The following FGF12 variants were observed in gnomAD, a reference collection of about 807,000 sequenced individuals.
FGF12 encodes the protein fibroblast growth factor 12B.
Under a neutral mutation model 23.6 loss-of-function variants are expected in FGF12, and 14 were observed. That is an observed-to-expected ratio of 0.59 (90% CI 0.39 to 0.93). The LOEUF (loss-of-function observed/expected upper bound fraction) is 0.93, where lower values mean the gene tolerates loss of function less well. FGF12 is among the 40% of genes least tolerant of loss of function. The pLI, the probability that FGF12 is intolerant of heterozygous loss-of-function variation, is 0.00. For synonymous variants in FGF12, 62 were observed against 77.3 expected, an observed-to-expected ratio of 0.80 and a Z score of 1.04; for missense variants, 175 against 217.8, an observed-to-expected ratio of 0.80 and a Z score of 1.24.
At chr3:192,322,648 C>T (rs1716611389) in intron 4 of FGF12, among the ~76,000 whole-genome samples, 2 of 151,992 alleles carry the variant, frequency 1.3e-5, no homozygotes. Context: ...TAAAAACAGA[C>T]ATGCAGACCA....
rs142075981 is a variant in FGF12 at position 192,260,242 on chromosome 3, T to C, written c.228+75119A>G. 2.9e-3 allele frequency among the ~76,000 whole-genome samples: 440 copies of C among 152,302 alleles called. 1 individual carries two copies. The highest frequency in any genetic ancestry group is 0.01 in the African/African-American group (431 of 41,572). On this transcript the variant is annotated intron_variant, in intron 4 of 5. Coordinates refer to ENST00000445105, the MANE Select transcript of FGF12 (RefSeq NM_004113.6). ...TACCAGGGTAGTTTAGGCAAGTGTA[T>C]ATCACAGCCGTATTCATCTATATTT...
intron 2 of FGF12, among the ~76,000 whole-genome samples, chr3:192,388,905 C>T (rs1166810984): frequency 6.6e-6 from 1 of 151,482 alleles, no homozygotes; most frequent in African/African-American, 2.4e-5. Flanking sequence ...TAAAGTGGTG[C>T]CAAAATTTTG....
At chr3:192,283,704 A>G (rs1714285230) in intron 4 of FGF12, among the ~76,000 whole-genome samples, 1 of 151,390 alleles carries the variant, frequency 6.6e-6, no homozygotes, top group Non-Finnish European at 1.5e-5. Context: ...AGGTAATCTC[A>G]TTAGTCAAAA....
At position 192,399,885 on chromosome 3, in the gene FGF12, C is replaced by T. The variant is rs138159481; in HGVS notation, c.14-39347G>A. Among the ~76,000 whole-genome samples the T allele has an allele frequency of 5.1e-3, 782 of 152,282 alleles. 9 individuals carry two copies. Among genetic ancestry groups the T allele is most frequent in the African/African-American group, 0.017 (709 of 41,568 alleles). ...CTCTCTACTGACTCCTGAAAAGTAA[C>T]GAAGAAAAGACTCTATAGAGTACAG... On this transcript the variant is annotated intron_variant, in intron 2 of 5. Coordinates refer to ENST00000445105, the MANE Select transcript of FGF12 (RefSeq NM_004113.6).
intron 2 of FGF12, among the ~76,000 whole-genome samples, chr3:192,467,512 T>C (rs1723046424): frequency 2.6e-5 from 4 of 151,984 alleles, no homozygotes; most frequent in Admixed American, 2.6e-4. Flanking sequence ...TAGAGCACTG[T>C]GCTGAAGAGG....
At chr3:192,690,806 T>C (rs1385872748) in intron 2 of FGF12, among the ~76,000 whole-genome samples, 1 of 151,970 alleles carries the variant, frequency 6.6e-6, no homozygotes, top group Non-Finnish European at 1.5e-5. Context: ...GCTGCTGACA[T>C]GAGACTCATT....
intron 2 of FGF12, among the ~76,000 whole-genome samples, chr3:192,563,676 A>T (rs1454739454): frequency 6.6e-6 from 1 of 152,254 alleles, no homozygotes; most frequent in East Asian, 1.9e-4. Context: ...GAAATTCTAC[A>T]TAATTAATAA....
chr3:192,567,352 A>G (rs79637198), intron 2 of FGF12, among the ~76,000 whole-genome samples: 31 of 151,398 alleles, frequency 2.0e-4, no homozygotes, highest in Admixed American at 2.6e-4. Flanking sequence ...GAAGTTGGAG[A>G]AAAAAAAAGG....
At chr3:192,163,240 AG>A (rs1714976964) in intron 5 of FGF12, among the ~76,000 whole-genome samples, 1 of 152,128 alleles carries the variant, frequency 6.6e-6, no homozygotes, top group Non-Finnish European at 1.5e-5. Flanking sequence ...TTTGACCCAA[AG>A]AATTAGACAC....
intron 4 of FGF12, among the ~76,000 whole-genome samples, chr3:192,276,743 C>A (rs1458047342): frequency 6.6e-6 from 1 of 152,118 alleles, no homozygotes; most frequent in Non-Finnish European, 1.5e-5. Flanking sequence ...AACTTGCCCC[C>A]TCTACCTTTC....
intron 2 of FGF12, among the ~76,000 whole-genome samples, chr3:192,377,961 A>ATAGGTAAACCTTAGATTATTCAT (rs1719596545): frequency 3.3e-5 from 5 of 151,464 alleles, no homozygotes; most frequent in African/African-American, 1.2e-4. Context: ...GTGCAGGAAA[A>ATAGGTAAACCTTAGATTATTCAT]AATGTCTTTT....
At chr3:192,196,076 A>C (rs1225199914) in intron 4 of FGF12, among the ~76,000 whole-genome samples, 2 of 152,062 alleles carry the variant, frequency 1.3e-5, no homozygotes, top group East Asian at 3.9e-4. Context: ...ATGAGTTTAG[A>C]GTTTATAGAT....
At chr3:192,552,283 T>G (rs1458076412) in intron 2 of FGF12, among the ~76,000 whole-genome samples, 2 of 151,532 alleles carry the variant, frequency 1.3e-5, no homozygotes, top group Non-Finnish European at 2.9e-5. Context: ...CCTCAGAAAA[T>G]TCAACTATTT....
chr3:192,220,497 C>T (rs1291675174), intron 4 of FGF12, among the ~76,000 whole-genome samples: 1 of 152,168 alleles, frequency 6.6e-6, no homozygotes, highest in Non-Finnish European at 1.5e-5. Flanking sequence ...GTCCCAAACA[C>T]CATTTCCTTC....
chr3:192,687,259 ACAGT>A (rs1717781851), intron 2 of FGF12, among the ~76,000 whole-genome samples: 1 of 151,450 alleles, frequency 6.6e-6, no homozygotes, highest in Non-Finnish European at 1.5e-5. Flanking sequence ...CAGGGTGGAG[ACAGT>A]CAGTAGCATT....
intron 2 of FGF12, among the ~76,000 whole-genome samples, chr3:192,379,858 G>T (rs1242733947): frequency 6.6e-6 from 1 of 152,120 alleles, no homozygotes; most frequent in East Asian, 1.9e-4. Context: ...AAAGGAGTTG[G>T]ATCATCAAGA....
chr3:192,265,972 T>C (rs946168703), intron 4 of FGF12, among the ~76,000 whole-genome samples: 9 of 152,174 alleles, frequency 5.9e-5, no homozygotes, highest in African/African-American at 1.7e-4. Context: ...GATAAAGAAC[T>C]GGCTCATAGG....
intron 5 of FGF12, among the ~76,000 whole-genome samples, chr3:192,150,036 G>A (rs1450191625): frequency 9.3e-6 from 1 of 107,866 alleles, no homozygotes; most frequent in Non-Finnish European, 2.0e-5. Flanking sequence ...ATCTCATAGT[G>A]GTTTTGATTT....
intron 4 of FGF12, among the ~76,000 whole-genome samples, chr3:192,319,111 C>T (rs1448562020): frequency 6.6e-6 from 1 of 152,066 alleles, no homozygotes; most frequent in East Asian, 1.9e-4. Flanking sequence ...AACTCTCCTC[C>T]AAAAATGCTA....
Sources: gnomAD v4.1 joint callset for allele counts (sites outside exome capture counted in the v4.1 genomes callset) on GRCh38, gnomAD v4.1.1 for gene constraint, MANE v1.5 for transcripts, NCBI Gene and HGNC (gene_info 2026-07-23, HGNC 2026-07-21) for gene names.